SLC36A1: variants seen among roughly 807,000 people sequenced by gnomAD.
SLC36A1 encodes the protein solute carrier family 36 member 1, also known as proton-coupled amino acid transporter 1.
In SLC36A1, 30 loss-of-function variants were observed where a neutral mutation model predicts 47.5. The observed-to-expected ratio is 0.63, with a 90% CI of 0.47 to 0.86. SLC36A1 has a LOEUF of 0.86. Among genes scored for constraint, SLC36A1 ranks in the 40% least tolerant of loss-of-function variants. The pLI, the probability that SLC36A1 is intolerant of heterozygous loss-of-function variation, is 0.00. For missense variants in SLC36A1, 517 were observed against 606.0 expected (o/e 0.85, Z 1.54); for synonymous variants, 255 against 249.7 (o/e 1.02, Z -0.20).
the SLC36A1 span, chr5:151,545,021 G>C: frequency 3.1e-6 from 5 of 1,614,210 alleles, no homozygotes; most frequent in Admixed American, 6.7e-5. Context: ...GCCAACTCAT[G>C]AGTGTCCTGC....
chr5:151,517,474 G>T, the SLC36A1 span: 1 of 976,690 alleles, frequency 1.0e-6, no homozygotes, highest in Non-Finnish European at 1.5e-6. Context: ...ATAATCATGT[G>T]GCCCAACAGT....
At chr5:151,396,131 C>G in the SLC36A1 span, among the ~76,000 whole-genome samples, 4 of 148,676 alleles carry the variant, frequency 2.7e-5, no homozygotes. Flanking sequence ...CCTTCTTCTT[C>G]TTACTATTAT....
chr5:151,550,512 T>G, the SLC36A1 span: 3 of 1,498,718 alleles, frequency 2.0e-6, no homozygotes, highest in South Asian at 3.7e-5. Flanking sequence ...AGGGGGACCT[T>G]CAGCATGTCT....
intron 8 of SLC36A1, 89 bp from the exon 9 acceptor site, chr5:151,476,501 G>A: frequency 9.5e-7 from 1 of 1,056,914 alleles, no homozygotes; most frequent in Non-Finnish European, 1.4e-6. Context: ...GGATAAAAGA[G>A]TTACTTTTTT....
At chr5:151,552,950 G>A in the SLC36A1 span, among the ~76,000 whole-genome samples, 1 of 152,220 alleles carries the variant, frequency 6.6e-6, no homozygotes, top group Non-Finnish European at 1.5e-5. Context: ...CTCTGGCTGG[G>A]GTTAGAGATC....
chr5:151,369,540 G>A, the SLC36A1 span, among the ~76,000 whole-genome samples: 4 of 152,332 alleles, frequency 2.6e-5, no homozygotes, highest in South Asian at 4.1e-4. Flanking sequence ...ACAGTGGTAC[G>A]TTCACAGCTC....
chr5:151,552,893 A>G, the SLC36A1 span, among the ~76,000 whole-genome samples: 1,424 of 152,336 alleles, frequency 9.3e-3, 19 homozygotes, highest in African/African-American at 0.033. Flanking sequence ...GTCTTCCTGA[A>G]CCATTTTAGG....
chr5:151,411,755 AG>A, the SLC36A1 span, among the ~76,000 whole-genome samples: 2 of 144,344 alleles, frequency 1.4e-5, 1 homozygote. Flanking sequence ...GAGTTGAACA[AG>A]GGTCCTTAGT....
At chr5:151,374,201 C>T in the SLC36A1 span, among the ~76,000 whole-genome samples, 2 of 152,132 alleles carry the variant, frequency 1.3e-5, no homozygotes, top group African/African-American at 2.4e-5. Flanking sequence ...AGAAAGAGTC[C>T]GTCTGGGTAC....
the SLC36A1 span, chr5:151,381,127 G>A: frequency 8.2e-6 from 4 of 487,368 alleles, no homozygotes; most frequent in Admixed American, 1.0e-4. Flanking sequence ...ACCTCTCTCT[G>A]GCAGGCAAGG....
chr5:151,555,264 T>G, the SLC36A1 span, among the ~76,000 whole-genome samples: 4 of 152,172 alleles, frequency 2.6e-5, no homozygotes, highest in African/African-American at 9.7e-5. Context: ...AAAAAACACT[T>G]TGGTGTTTAA....
At chr5:151,409,365 A>G in the SLC36A1 span, among the ~76,000 whole-genome samples, 1 of 152,148 alleles carries the variant, frequency 6.6e-6, no homozygotes, top group Non-Finnish European at 1.5e-5. Context: ...GGCAAAGACT[A>G]TCTGAGGAGT....
At chr5:151,487,491 G>A (rs1361854721) in intron 10 of SLC36A1, among the ~76,000 whole-genome samples, 12 of 152,316 alleles carry the variant, frequency 7.9e-5, no homozygotes, top group Non-Finnish European at 1.3e-4. Context: ...TGTGAAATGC[G>A]GTTTTATCAC....
the SLC36A1 span, among the ~76,000 whole-genome samples, chr5:151,386,759 C>T: frequency 6.6e-6 from 1 of 152,238 alleles, no homozygotes; most frequent in Non-Finnish European, 1.5e-5. Flanking sequence ...CCACTGACTT[C>T]AGTCTCAGGC....
the SLC36A1 span, among the ~76,000 whole-genome samples, chr5:151,503,485 A>G: frequency 6.7e-6 from 1 of 149,938 alleles, no homozygotes; most frequent in Non-Finnish European, 1.5e-5. Context: ...TCAACCTCAG[A>G]GCCACTGCCT....
intron 1 of SLC36A1, among the ~76,000 whole-genome samples, chr5:151,440,795 T>C (rs1752580305): frequency 6.6e-6 from 1 of 152,144 alleles, no homozygotes; most frequent in African/African-American, 2.4e-5. Flanking sequence ...ATCAAAAGTC[T>C]TGCCCAGGTC....
chr5:151,514,464 C>T, the SLC36A1 span, among the ~76,000 whole-genome samples: 1 of 152,322 alleles, frequency 6.6e-6, no homozygotes, highest in East Asian at 1.9e-4. Flanking sequence ...TTGGTAAACC[C>T]ACAACTATGG....
chr5:151,454,410 A>C (rs1461036734), intron 1 of SLC36A1, among the ~76,000 whole-genome samples: 1 of 152,132 alleles, frequency 6.6e-6, no homozygotes, highest in African/African-American at 2.4e-5. Flanking sequence ...GAGCAGGAGG[A>C]GGAGGCCTTG....
At chr5:151,520,557 C>G in the SLC36A1 span, among the ~76,000 whole-genome samples, 3 of 152,300 alleles carry the variant, frequency 2.0e-5, no homozygotes, top group East Asian at 5.8e-4. Context: ...ATGACAGTCA[C>G]CGTTGATCTG....
Sources: gnomAD v4.1 joint callset for allele counts (sites outside exome capture counted in the v4.1 genomes callset) on GRCh38, gnomAD v4.1.1 for gene constraint, MANE v1.5 for transcripts, NCBI Gene and HGNC (gene_info 2026-07-23, HGNC 2026-07-21) for gene names.